The following GRID2 variants were observed in gnomAD, a reference collection of about 807,000 sequenced individuals.
The protein encoded by GRID2 is glutamate receptor ionotropic, delta-2.
Under a neutral mutation model 114.8 loss-of-function variants are expected in GRID2, and 33 were observed. That is an observed-to-expected ratio of 0.29 (90% CI 0.22 to 0.38). The LOEUF is 0.38. Ranked by LOEUF, GRID2 falls within the 10% of genes least tolerant of loss-of-function variation. The pLI is 1.00. For synonymous variants in GRID2, 505 were observed against 449.9 expected (o/e 1.12, Z -1.55); for missense variants, 1,184 against 1,257.7 (o/e 0.94, Z 0.89).
intron 8 of GRID2, among the ~76,000 whole-genome samples, chr4:93,392,430 A>C (rs552877830): frequency 6.6e-6 from 1 of 152,282 alleles, no homozygotes; most frequent in Non-Finnish European, 1.5e-5. Context: ...GCTATGCAAT[A>C]AGAAACATTA....
At chr4:93,547,015 C>T (rs1283888107) in intron 13 of GRID2, among the ~76,000 whole-genome samples, 4 of 152,066 alleles carry the variant, frequency 2.6e-5, no homozygotes, top group Non-Finnish European at 4.4e-5. Context: ...CAACAAAGCC[C>T]ATCAAAGGTG....
Position 93,506,266 on chromosome 4 carries a change from A to C in GRID2, c.1998-8950A>C, listed in dbSNP as rs138173804. Among the ~76,000 whole-genome samples, 744 of 152,218 alleles carry C rather than the reference A, an allele frequency of 4.9e-3. 6 individuals are homozygous for C. Among genetic ancestry groups the C allele is most frequent in the Middle Eastern group, 0.017 (5 of 294 alleles). ...ATACTTTCGTCGGGACAGAGTGCAG[A>C]AAATATTCCCAAGTCTGTCAGGGTA... On this transcript the variant is annotated intron_variant, in intron 12 of 15. Coordinates refer to ENST00000282020, the MANE Select transcript of GRID2 (RefSeq NM_001510.4).
chr4:93,207,324 A>G, intron 4 of GRID2, 80 bp from the exon 5 acceptor site: 3 of 956,618 alleles, frequency 3.1e-6, no homozygotes, highest in East Asian at 2.4e-5. Context: ...ATTTTTTGTC[A>G]TTTGCAAAGT....
intron 2 of GRID2, among the ~76,000 whole-genome samples, chr4:92,922,917 A>G (rs1484666821): frequency 2.6e-5 from 4 of 152,172 alleles, no homozygotes; most frequent in Non-Finnish European, 4.4e-5. Context: ...AGGAGACACA[A>G]CGGAGGCTCT....
chr4:92,384,482 T>TATA (rs1213844462), intron 1 of GRID2, among the ~76,000 whole-genome samples: 2 of 57,470 alleles, frequency 3.5e-5, no homozygotes, highest in African/African-American at 8.0e-5. Context: ...ATATATATTA[T>TATA]TTATATATAA....
Position 92,763,254 on chromosome 4 carries a change from G to A in GRID2, c.244+172968G>A, listed in dbSNP as rs79795009. ...TTTAGTCACTTTTATCCTAAGTGCTGGGTATACATTGAAAAACTATGCACA... is the reference window on the plus strand; with the variant it reads ...TTTAGTCACTTTTATCCTAAGTGCTAGGTATACATTGAAAAACTATGCACA... On this transcript the variant is annotated intron_variant, in intron 2 of 15. Transcript: ENST00000282020. Among the ~76,000 whole-genome samples the A allele has an allele frequency of 3.0e-4, 46 of 152,200 alleles. No individual in the cohort carries two copies. The East Asian group carries it at 6.4e-3, about 21-fold the overall frequency.
intron 8 of GRID2, among the ~76,000 whole-genome samples, chr4:93,312,642 T>A (rs1466711318): frequency 2.0e-5 from 3 of 152,186 alleles, no homozygotes; most frequent in African/African-American, 7.2e-5. Flanking sequence ...ATTTCAATGC[T>A]AAAAATATTT....
rs893828350 is a variant in GRID2 at position 93,256,757 on chromosome 4, T to C, written c.1245+18267T>C. Among the ~76,000 whole-genome samples, 62 of 152,010 alleles carry C rather than the reference T, an allele frequency of 4.1e-4. 1 individual carries two copies. Among genetic ancestry groups the C allele is most frequent in the African/African-American group, 1.5e-3 (62 of 41,452 alleles). On this transcript the variant is annotated intron_variant, in intron 8 of 15. Coordinates refer to ENST00000282020, the MANE Select transcript of GRID2 (RefSeq NM_001510.4). Reference sequence around the variant, plus strand: ...AAGGCAATATAGACCAAATACATTCTATATTACTAATATGTACTGCGAGGG... The same window carrying C: ...AAGGCAATATAGACCAAATACATTCCATATTACTAATATGTACTGCGAGGG...
chr4:92,471,652 TTTAA>T (rs2149096187), intron 1 of GRID2, among the ~76,000 whole-genome samples: 2 of 152,112 alleles, frequency 1.3e-5, no homozygotes, highest in African/African-American at 4.8e-5. Flanking sequence ...CTTAAACAAA[TTTAA>T]ATTGTACACT....
chr4:92,856,995 G>T (rs1744224771), intron 2 of GRID2, among the ~76,000 whole-genome samples: 1 of 152,098 alleles, frequency 6.6e-6, no homozygotes. Context: ...TATTATATAT[G>T]TTAAAGGGAT....
intron 2 of GRID2, among the ~76,000 whole-genome samples, chr4:93,073,712 G>T (rs1028693754): frequency 6.6e-6 from 1 of 152,100 alleles, no homozygotes; most frequent in Non-Finnish European, 1.5e-5. Context: ...ATTGCTACTG[G>T]TAAAGACTCC....
At chr4:93,239,242 G>A (rs1747182871) in intron 8 of GRID2, among the ~76,000 whole-genome samples, 1 of 146,566 alleles carries the variant, frequency 6.8e-6, no homozygotes, top group Non-Finnish European at 1.5e-5. Context: ...AGATATATTT[G>A]GTAGGGAAAT....
intron 14 of GRID2, among the ~76,000 whole-genome samples, chr4:93,691,842 A>T (rs1449951707): frequency 6.6e-6 from 1 of 151,924 alleles, no homozygotes; most frequent in Admixed American, 6.6e-5. Flanking sequence ...ATTCTCTGAG[A>T]TCTGACATAT....
chr4:92,765,041 A>G (rs1440885267), intron 2 of GRID2, among the ~76,000 whole-genome samples: 1 of 152,206 alleles, frequency 6.6e-6, no homozygotes, highest in East Asian at 1.9e-4. Context: ...TTGGAAAGCT[A>G]CAATTTAAAT....
At chr4:92,708,958 A>G in intron 2 of GRID2, among the ~76,000 whole-genome samples, 1 of 152,058 alleles carries the variant, frequency 6.6e-6, no homozygotes, top group East Asian at 1.9e-4. Flanking sequence ...GTGTATCTGA[A>G]TTGTGCCCTC....
intron 2 of GRID2, among the ~76,000 whole-genome samples, chr4:93,060,614 G>C (rs1443432677): frequency 6.6e-6 from 1 of 152,124 alleles, no homozygotes; most frequent in Non-Finnish European, 1.5e-5. Flanking sequence ...AAAGAAGGCA[G>C]GAAGGATTAG....
chr4:93,215,089 A>G (rs1360608059), intron 5 of GRID2, among the ~76,000 whole-genome samples: 1 of 152,004 alleles, frequency 6.6e-6, no homozygotes, highest in Non-Finnish European at 1.5e-5. Flanking sequence ...AGTAATTAGT[A>G]TTTTGCTTAA....
At chr4:93,125,116 A>G (rs1306275904) in intron 4 of GRID2, among the ~76,000 whole-genome samples, 3 of 152,032 alleles carry the variant, frequency 2.0e-5, no homozygotes, top group Admixed American at 6.6e-5. Flanking sequence ...ATATATCAGT[A>G]TGTTGCTGGA....
In GRID2 at chr4:92,519,900, G is replaced by A. The variant is rs535834481; in HGVS notation, c.89-70231G>A. 5.3e-5 allele frequency among the ~76,000 whole-genome samples: 8 copies of A among 151,926 alleles called. No individual in the cohort carries two copies. The South Asian group carries it at 1.0e-3, about 20-fold the overall frequency. ...CTCTCTTACTCAGTCCTTTGGATAA[G>A]GTCCACCCATATTGGGGGGCGGAAT... On this transcript the variant is annotated intron_variant, in intron 1 of 15. Coordinates refer to ENST00000282020, the MANE Select transcript of GRID2 (RefSeq NM_001510.4).
Sources: allele counts gnomAD v4.1 joint callset (sites outside exome capture counted in the v4.1 genomes callset), GRCh38; gene constraint gnomAD v4.1.1; transcripts MANE v1.5; gene names NCBI Gene and HGNC (gene_info 2026-07-23, HGNC 2026-07-21).